Variants in E2F3 observed in about 807,000 individuals in gnomAD.
E2F3 encodes the protein E2F transcription factor 3.
Under a neutral mutation model 44.4 loss-of-function variants are expected in E2F3, and 11 were observed. That is an observed-to-expected ratio of 0.25 (90% confidence interval 0.16 to 0.41). E2F3 has a LOEUF of 0.41. E2F3 is among the 10% of genes least tolerant of loss of function. The pLI is 1.00. For missense variants in E2F3, 487 were observed against 583.6 expected, an observed-to-expected ratio of 0.83 and a Z score of 1.70; for synonymous variants, 249 against 253.0, an observed-to-expected ratio of 0.98 and a Z score of 0.15.
At chr6:20,467,788 T>C (rs1213630073) in intron 1 of E2F3, among the ~76,000 whole-genome samples, 6 of 152,074 alleles carry the variant, frequency 3.9e-5, no homozygotes, top group African/African-American at 1.5e-4. Flanking sequence ...CTTCATGCAT[T>C]CAGCAAACCA....
chr6:20,408,669 T>C (rs1759568817), intron 1 of E2F3, among the ~76,000 whole-genome samples: 1 of 152,214 alleles, frequency 6.6e-6, no homozygotes, highest in Non-Finnish European at 1.5e-5. Flanking sequence ...ATCTAAGTGA[T>C]GCAGGCCCCC....
At chr6:20,475,834 T>C (rs1762026185) in intron 1 of E2F3, among the ~76,000 whole-genome samples, 2 of 152,154 alleles carry the variant, frequency 1.3e-5, no homozygotes, top group African/African-American at 4.8e-5. Context: ...CAGCTCTATG[T>C]CTCCTTAGAT....
intron 1 of E2F3, among the ~76,000 whole-genome samples, chr6:20,425,380 C>A (rs1346534707): frequency 1.3e-5 from 2 of 150,826 alleles, no homozygotes; most frequent in Non-Finnish European, 2.9e-5. Context: ...ACCCCAGGAA[C>A]CTTCTACTTT....
At chr6:20,478,427 CT>C (rs1762114725) in intron 1 of E2F3, among the ~76,000 whole-genome samples, 3 of 152,196 alleles carry the variant, frequency 2.0e-5, no homozygotes, top group African/African-American at 4.8e-5. Context: ...GCAGGGTTAG[CT>C]GGTAACTTTC....
chr6:20,409,074 G>C (rs527455628), intron 1 of E2F3, among the ~76,000 whole-genome samples: 6 of 152,338 alleles, frequency 3.9e-5, no homozygotes, highest in African/African-American at 1.4e-4. Context: ...AGCCAAAACC[G>C]AAACGGGAGA....
chr6:20,474,021 G>C (rs1282410610), intron 1 of E2F3, among the ~76,000 whole-genome samples: 1 of 152,110 alleles, frequency 6.6e-6, no homozygotes, highest in Non-Finnish European at 1.5e-5. Context: ...AAAAAAAATA[G>C]GGGCAACAAA....
At chr6:20,445,335 G>A (rs775547500) in intron 1 of E2F3, among the ~76,000 whole-genome samples, 18 of 151,826 alleles carry the variant, frequency 1.2e-4, no homozygotes, top group Non-Finnish European at 2.4e-4. Context: ...CGCCTCCCGG[G>A]TTCAAGCGAT....
chr6:20,451,007 C>A (rs1286633284), intron 1 of E2F3, among the ~76,000 whole-genome samples: 1 of 152,138 alleles, frequency 6.6e-6, no homozygotes, highest in Non-Finnish European at 1.5e-5. Flanking sequence ...TGTACCAGTA[C>A]CATGCTGTTT....
intron 1 of E2F3, among the ~76,000 whole-genome samples, chr6:20,430,311 A>G (rs1451121720): frequency 6.6e-6 from 1 of 152,228 alleles, no homozygotes; most frequent in Non-Finnish European, 1.5e-5. Flanking sequence ...TTTATTTGCT[A>G]AATCTGATAA....
intron 1 of E2F3, among the ~76,000 whole-genome samples, chr6:20,452,001 A>T (rs1233474281): frequency 6.6e-6 from 1 of 152,038 alleles, no homozygotes; most frequent in Non-Finnish European, 1.5e-5. Context: ...TTCATCAAGG[A>T]TATTGGCCTT....
intron 5 of E2F3, 129 bp downstream of exon 5, chr6:20,486,932 AC>A (rs1762412771): frequency 1.7e-6 from 1 of 603,816 alleles, no homozygotes; most frequent in African/African-American, 1.9e-5. Flanking sequence ...CATTTATTTT[AC>A]TTAACCATAC....
rs1194953661 is a variant in E2F3, at chr6:20,490,535, G to A, written c.*105G>A. Reference sequence around the variant, plus strand: ...CTTCCTACCTTCTTCCTCCAAGAGAGTATCATGAAGTAAACTACAAACTTC... The same window carrying A: ...CTTCCTACCTTCTTCCTCCAAGAGAATATCATGAAGTAAACTACAAACTTC... On this transcript the variant is annotated 3_prime_UTR_variant, in exon 7 of 7. Coordinates refer to ENST00000346618, the MANE Select transcript of E2F3 (RefSeq NM_001949.5). This position sits in a 1 kb window ranked among gnomAD's most constrained non-coding sequence, Gnocchi z 4.3. 8.8e-7 allele frequency: 1 copy of A among 1,137,464 alleles called. No individual in the cohort carries two copies. Among genetic ancestry groups the A allele is most frequent in the Non-Finnish European group, 1.2e-6 (1 of 837,964 alleles). 70.5% of individuals were successfully genotyped at this position (1,137,464 alleles called of 1,614,324 possible).
intron 3 of E2F3, 101 bp downstream of exon 3, chr6:20,481,526 T>C: frequency 1.9e-6 from 2 of 1,026,566 alleles, no homozygotes; most frequent in East Asian, 4.8e-5. Flanking sequence ...CACGTTCTTT[T>C]CTTTTCTCTC....
At chr6:20,453,305 T>C (rs1249864798) in intron 1 of E2F3, among the ~76,000 whole-genome samples, 2 of 152,172 alleles carry the variant, frequency 1.3e-5, no homozygotes, top group Non-Finnish European at 2.9e-5. Flanking sequence ...AATTGACCCA[T>C]ATTTTCTTGC....
chr6:20,484,032 T>G (rs1762313462), intron 4 of E2F3, among the ~76,000 whole-genome samples: 1 of 152,148 alleles, frequency 6.6e-6, no homozygotes, highest in African/African-American at 2.4e-5. Flanking sequence ...GTTGGCAGAG[T>G]GGGTTTACAG....
At chr6:20,466,321 C>T (rs765322056) in intron 1 of E2F3, among the ~76,000 whole-genome samples, 11 of 152,160 alleles carry the variant, frequency 7.2e-5, no homozygotes, top group South Asian at 2.1e-4. Context: ...CCATGTTGGC[C>T]AGGCTGATCT....
intron 1 of E2F3, among the ~76,000 whole-genome samples, chr6:20,456,546 C>T (rs1025437485): frequency 9.2e-5 from 14 of 152,160 alleles, no homozygotes; most frequent in Admixed American, 2.6e-4. Flanking sequence ...CACGCACTCG[C>T]GCACATATTT....
intron 1 of E2F3, among the ~76,000 whole-genome samples, chr6:20,473,307 T>C (rs1309084648): frequency 1.3e-5 from 2 of 152,244 alleles, no homozygotes; most frequent in African/African-American, 2.4e-5. Context: ...GAAGTAGTTA[T>C]AAGCATGGAC....
chr6:20,466,722 G>A (rs1160495840), intron 1 of E2F3, among the ~76,000 whole-genome samples: 8 of 145,024 alleles, frequency 5.5e-5, no homozygotes, highest in Non-Finnish European at 1.0e-4. Flanking sequence ...TGGCTCTGTC[G>A]CCCAGGCTCG....
Sources: gnomAD v4.1 joint callset for allele counts (sites outside exome capture counted in the v4.1 genomes callset) on GRCh38, gnomAD v4.1.1 for gene constraint, Gnocchi (gnomAD v3.1) non-coding constraint, MANE v1.5 for transcripts, NCBI Gene and HGNC (gene_info 2026-07-23, HGNC 2026-07-21) for gene names.